The following LRIG1 variants were observed in gnomAD, a reference collection of about 807,000 sequenced individuals.
The protein encoded by LRIG1 is leucine rich repeats and immunoglobulin like domains 1.
In LRIG1, 48 loss-of-function variants were observed where a neutral mutation model predicts 99.2. The ratio of observed to expected loss-of-function variants is 0.48; its 90% CI spans 0.38 to 0.62. LRIG1 has a LOEUF of 0.62. LRIG1 is among the 20% of genes least tolerant of loss of function. LRIG1 has a pLI of 0.00. For synonymous variants in LRIG1, 772 were observed against 596.1 expected, an observed-to-expected ratio of 1.29 and a Z score of -4.30; for missense variants, 1,646 against 1,434.4, an observed-to-expected ratio of 1.15 and a Z score of -2.38.
At position 66,412,726 on chromosome 3, in the gene LRIG1, A is replaced by G; in HGVS notation, c.791+145T>C. 3.3e-6 allele frequency: 3 copies of G among 908,348 alleles called. No individual in the cohort carries two copies. In the South Asian group the frequency reaches 4.8e-5, roughly 14 times the overall value. 56.3% of individuals were successfully genotyped at this position (908,348 alleles called of 1,614,324 possible). ...CGCACGCACACACACCCCACACCACACAGCAATGCTGGTGTGGGCGCACAC... is the reference window on the plus strand; with the variant it reads ...CGCACGCACACACACCCCACACCACGCAGCAATGCTGGTGTGGGCGCACAC... On this transcript the variant is annotated intron_variant, in intron 6 of 18. Transcript: ENST00000273261.
At chr3:66,390,367 T>C (rs146325797) in intron 12 of LRIG1, among the ~76,000 whole-genome samples, 1 of 152,316 alleles carries the variant, frequency 6.6e-6, no homozygotes, top group East Asian at 1.9e-4. Flanking sequence ...AAGGATTTCA[T>C]TTACAATAGC....
chr3:66,481,508 G>A (rs529459841), intron 1 of LRIG1, among the ~76,000 whole-genome samples: 2 of 150,174 alleles, frequency 1.3e-5, no homozygotes, highest in Middle Eastern at 3.4e-3. Flanking sequence ...TGCACAGACC[G>A]GAGGGTTTAT....
At chr3:66,434,338 G>T (rs955184828) in intron 3 of LRIG1, among the ~76,000 whole-genome samples, 2 of 152,124 alleles carry the variant, frequency 1.3e-5, no homozygotes, top group Admixed American at 6.6e-5. Flanking sequence ...AGAATCTACA[G>T]GTGGCAAACA....
chr3:66,438,306 G>C (rs1292214487), intron 3 of LRIG1, among the ~76,000 whole-genome samples: 1 of 152,172 alleles, frequency 6.6e-6, no homozygotes, highest in Non-Finnish European at 1.5e-5. Flanking sequence ...CAGGAACCTG[G>C]GGCCCCAGAA....
rs151188219 is a variant in LRIG1 at position 66,383,369 on chromosome 3, G to C, written c.2104C>G (p.Arg702Gly). 3 of 1,571,578 alleles carry C rather than the reference G, an allele frequency of 1.9e-6. No individual in the cohort carries two copies. Among genetic ancestry groups the C allele is most frequent in the East Asian group, 2.3e-5 (1 of 44,272 alleles). The change falls in exon 15 of 19, where the codon CGT (arginine) becomes GGT (glycine). Residue 702 changes from arginine to glycine, a missense_variant. Coordinates refer to ENST00000273261, the MANE Select transcript of LRIG1 (RefSeq NM_015541.3). ...ACTGTTTCTCCCACAGATACCACAC[G>C]GTCTTCCAAGGGGACCACCAAGGAT... ...TPSLVVPLED[R>G]VVSVGETVAL...
chr3:66,431,983 CA>C (rs1703187458), intron 3 of LRIG1, among the ~76,000 whole-genome samples: 1 of 152,214 alleles, frequency 6.6e-6, no homozygotes, highest in Non-Finnish European at 1.5e-5. Context: ...ATCCCCACCC[CA>C]TTTTGCATAC....
chr3:66,445,204 A>G (rs1331230960), intron 3 of LRIG1, among the ~76,000 whole-genome samples: 2 of 152,080 alleles, frequency 1.3e-5, no homozygotes, highest in East Asian at 3.8e-4. Flanking sequence ...AGAGCAATAA[A>G]ATGCCTGTAG....
At chr3:66,467,671 A>G (rs1158457023) in intron 1 of LRIG1, among the ~76,000 whole-genome samples, 3 of 152,248 alleles carry the variant, frequency 2.0e-5, no homozygotes, top group African/African-American at 4.8e-5. Context: ...CACATTAGCT[A>G]TATTTCAAGT....
In LRIG1 at chr3:66,379,356, T is replaced by C. The variant is rs1203576816; in HGVS notation, c.*907A>G. 6.6e-6 allele frequency: 1 copy of C among 152,362 alleles called. No homozygotes were observed. The highest frequency in any genetic ancestry group is 2.4e-5 in the African/African-American group (1 of 41,422). 9.4% of individuals were successfully genotyped at this position (152,362 alleles called of 1,614,324 possible). Reference sequence around the variant, plus strand: ...CCTCCTTTCTGTCCCCCAAGGCCAATGTAATACTCATTATATTGGCAAAAC... The same window carrying C: ...CCTCCTTTCTGTCCCCCAAGGCCAACGTAATACTCATTATATTGGCAAAAC... On this transcript the variant is annotated 3_prime_UTR_variant, in exon 19 of 19. Coordinates refer to ENST00000273261, the MANE Select transcript of LRIG1 (RefSeq NM_015541.3).
chr3:66,495,416 C>G (rs1191574072), intron 1 of LRIG1, among the ~76,000 whole-genome samples: 5 of 152,222 alleles, frequency 3.3e-5, no homozygotes, highest in Non-Finnish European at 5.9e-5. Context: ...ATTGCAGTCA[C>G]TGAGGAGGGG....
At chr3:66,443,468 T>C (rs1235175253) in intron 3 of LRIG1, among the ~76,000 whole-genome samples, 1 of 152,286 alleles carries the variant, frequency 6.6e-6, no homozygotes, top group Middle Eastern at 3.4e-3. Context: ...TGGCTGAACA[T>C]TTAGGGTGTT....
chr3:66,405,119 G>T, intron 9 of LRIG1, 79 bp downstream of exon 9: 1 of 1,271,204 alleles, frequency 7.9e-7, no homozygotes, highest in Middle Eastern at 2.3e-4. Flanking sequence ...AGAGAGGCGC[G>T]GGGGGCGCCA....
At chr3:66,415,709 G>A (rs1702598415) in intron 4 of LRIG1, among the ~76,000 whole-genome samples, 1 of 152,182 alleles carries the variant, frequency 6.6e-6, no homozygotes, top group Non-Finnish European at 1.5e-5. Context: ...ATACAAAAAG[G>A]CAGACACCGC....
chr3:66,386,407 G>C (rs1437206753), intron 12 of LRIG1, 106 bp from the exon 13 acceptor site: 6 of 933,328 alleles, frequency 6.4e-6, no homozygotes, highest in South Asian at 3.1e-5. Context: ...GCAGGAACCA[G>C]AGCTTGAGGT....
At chr3:66,381,367 ATTTGGAGAC>A (rs1694360469) in intron 17 of LRIG1, 103 bp downstream of exon 17, 2 of 1,095,916 alleles carry the variant, frequency 1.8e-6, no homozygotes, top group Admixed American at 2.2e-5. Context: ...TGAATACCAA[ATTTGGAGAC>A]AGCTGTGGAC....
intron 11 of LRIG1, among the ~76,000 whole-genome samples, chr3:66,396,599 G>A (rs946979191): frequency 6.6e-6 from 1 of 152,212 alleles, no homozygotes; most frequent in Non-Finnish European, 1.5e-5. Context: ...GCAGGAGACC[G>A]AGGCTGAGCC....
intron 6 of LRIG1, among the ~76,000 whole-genome samples, chr3:66,412,066 A>G (rs889343318): frequency 6.6e-6 from 1 of 152,248 alleles, no homozygotes; most frequent in Non-Finnish European, 1.5e-5. Context: ...TCAACGTTTA[A>G]AAAGCCTTTT....
chr3:66,469,729 T>C (rs890805616), intron 1 of LRIG1, among the ~76,000 whole-genome samples: 1 of 152,128 alleles, frequency 6.6e-6, no homozygotes, highest in Non-Finnish European at 1.5e-5. Flanking sequence ...CAAATTAGGA[T>C]AAGATCTAGT....
At chr3:66,457,170 A>G (rs1000990080) in intron 2 of LRIG1, among the ~76,000 whole-genome samples, 4 of 152,074 alleles carry the variant, frequency 2.6e-5, no homozygotes, top group Non-Finnish European at 5.9e-5. Context: ...TGAAGGCTCT[A>G]TAAAGTTTGG....
Sources: allele counts gnomAD v4.1 joint callset (sites outside exome capture counted in the v4.1 genomes callset), GRCh38; gene constraint gnomAD v4.1.1; transcripts MANE v1.5; gene names NCBI Gene and HGNC (gene_info 2026-07-23, HGNC 2026-07-21).